The following RHBDL2 variants were observed in gnomAD, a reference collection of about 807,000 sequenced individuals.
RHBDL2 encodes rhomboid-related protein 2.
In RHBDL2, 26 loss-of-function variants were observed where a neutral mutation model predicts 31.7. That is an observed-to-expected ratio of 0.82 (90% CI 0.60 to 1.14). RHBDL2 has a LOEUF of 1.14. Among genes scored for constraint, RHBDL2 ranks in the 50% most tolerant of loss-of-function variants. The pLI is 0.00. For missense variants in RHBDL2, 336 were observed against 364.4 expected (o/e 0.92, Z 0.63); for synonymous variants, 123 against 127.2 (o/e 0.97, Z 0.22).
chr1:38,935,683 G>T (rs983890039), intron 1 of RHBDL2, among the ~76,000 whole-genome samples: 1 of 151,842 alleles, frequency 6.6e-6, no homozygotes, highest in Admixed American at 6.6e-5. Context: ...CATGATCTCA[G>T]CTCACTGCAA....
At chr1:38,925,789 C>A (rs1209001613) in intron 1 of RHBDL2, among the ~76,000 whole-genome samples, 1 of 152,166 alleles carries the variant, frequency 6.6e-6, no homozygotes, top group Non-Finnish European at 1.5e-5. Flanking sequence ...TTCTACTCTG[C>A]AAACAAGAAA....
chr1:38,896,056 G>T lies in RHBDL2; in HGVS notation c.522C>A (p.Ser174Arg). The T allele has an allele frequency of 1.2e-6, 2 of 1,613,002 alleles. No individual in the cohort carries two copies. The change falls in exon 5 of 8, where the codon AGC becomes AGA. Residue 174 changes from serine (S) to arginine (R), a missense_variant. Ser to Arg is a moderately radical substitution (Grantham distance 110). Coordinates refer to ENST00000372990, the MANE Select transcript of RHBDL2 (RefSeq NM_017821.5). The stretch of plus-strand genomic sequence containing the variant: ...GATATCTGAGTGGGTCAAAGATGGA[G>T]CTGGCAAGGGACCCTAAAGAAATAA... Reference protein sequence around the residue: ...LAGVIAGSLASSIFDPLRYLV... With the variant: ...LAGVIAGSLARSIFDPLRYLV...
intron 1 of RHBDL2, among the ~76,000 whole-genome samples, chr1:38,927,188 A>G (rs368868466): frequency 1.3e-5 from 2 of 151,986 alleles, no homozygotes; most frequent in East Asian, 1.9e-4. Context: ...AGCACTTTGG[A>G]AGGCCAAGGC....
At chr1:38,905,030 CA>C (rs536905332) in intron 4 of RHBDL2, among the ~76,000 whole-genome samples, 3 of 149,442 alleles carry the variant, frequency 2.0e-5, no homozygotes, top group Non-Finnish European at 3.0e-5. Flanking sequence ...GACTCCGTCT[CA>C]AAAAAAATAA....
intron 3 of RHBDL2, among the ~76,000 whole-genome samples, chr1:38,912,910 A>ATATATGTGTGTGTG (rs1399583863): frequency 4.8e-4 from 20 of 41,362 alleles, no homozygotes; most frequent in African/African-American, 1.5e-3. Flanking sequence ...ATATATATAT[A>ATATATGTGTGTGTG]TGTGTGTGTG....
chr1:38,900,512 T>C (rs1642975164), intron 4 of RHBDL2, among the ~76,000 whole-genome samples: 1 of 152,054 alleles, frequency 6.6e-6, no homozygotes, highest in Non-Finnish European at 1.5e-5. Context: ...TCCCAGTTAC[T>C]TGGGAGACTG....
At chr1:38,897,633 T>G (rs1219288093) in intron 4 of RHBDL2, among the ~76,000 whole-genome samples, 1 of 152,170 alleles carries the variant, frequency 6.6e-6, no homozygotes, top group East Asian at 1.9e-4. Context: ...TAGGATCACT[T>G]GAGCCCAGGA....
At chr1:38,908,939 C>T (rs1643104646) in intron 4 of RHBDL2, among the ~76,000 whole-genome samples, 1 of 152,156 alleles carries the variant, frequency 6.6e-6, no homozygotes, top group African/African-American at 2.4e-5. Context: ...GGAAGTAGCT[C>T]TCAGCAGATG....
intron 6 of RHBDL2, among the ~76,000 whole-genome samples, chr1:38,890,493 T>C (rs1642840799): frequency 6.6e-6 from 1 of 152,108 alleles, no homozygotes; most frequent in South Asian, 2.1e-4. Context: ...GTATGTCAAT[T>C]TCTCCAACCA....
chr1:38,912,910 A>ATATGTG (rs1399583863), intron 3 of RHBDL2, among the ~76,000 whole-genome samples: 5 of 41,392 alleles, frequency 1.2e-4, no homozygotes, highest in African/African-American at 3.7e-4. Flanking sequence ...ATATATATAT[A>ATATGTG]TGTGTGTGTG....
Position 38,935,767 on chromosome 1 carries a change from C to T in RHBDL2, c.-126+5915G>A, listed in dbSNP as rs538210488. ...AGCTGGGACTACAGGTGTGTACCACCACACCTGGCTAACTTTTGTATTTTT... is the reference window on the plus strand; with the variant it reads ...AGCTGGGACTACAGGTGTGTACCACTACACCTGGCTAACTTTTGTATTTTT... On this transcript the variant is annotated intron_variant, in intron 1 of 7. Coordinates refer to ENST00000372990, the MANE Select transcript of RHBDL2 (RefSeq NM_017821.5). Among the ~76,000 whole-genome samples the T allele has an allele frequency of 2.0e-5, 3 of 152,174 alleles. No individual in the cohort carries two copies. In the South Asian group the frequency reaches 6.2e-4, roughly 32 times the overall value.
At chr1:38,903,639 TG>T in intron 4 of RHBDL2, among the ~76,000 whole-genome samples, 1 of 152,330 alleles carries the variant, frequency 6.6e-6, no homozygotes. Context: ...ATTGTTAAAA[TG>T]TCCGTTTTCC....
chr1:38,925,540 C>G (rs540413965), intron 1 of RHBDL2, among the ~76,000 whole-genome samples: 1 of 152,052 alleles, frequency 6.6e-6, no homozygotes, highest in East Asian at 1.9e-4. Flanking sequence ...AGGTTAATCT[C>G]TCTCTTGATG....
intron 5 of RHBDL2, among the ~76,000 whole-genome samples, chr1:38,894,889 T>C (rs1642896881): frequency 6.6e-6 from 1 of 151,878 alleles, no homozygotes; most frequent in Non-Finnish European, 1.5e-5. Flanking sequence ...GTATTTTTAG[T>C]AGAGACGGGG....
chr1:38,936,957 T>G (rs553097836), intron 1 of RHBDL2, among the ~76,000 whole-genome samples: 104 of 147,122 alleles, frequency 7.1e-4, no homozygotes, highest in African/African-American at 2.6e-3. Context: ...TGTTCTTTTT[T>G]TTTTTTTTGA....
intron 4 of RHBDL2, among the ~76,000 whole-genome samples, chr1:38,904,956 A>G (rs1001652470): frequency 6.7e-6 from 1 of 149,476 alleles, no homozygotes; most frequent in Admixed American, 6.7e-5. Flanking sequence ...GCGTGAACCC[A>G]GGAGGCGGAG....
At chr1:38,938,673 C>T (rs1399037135) in intron 1 of RHBDL2, among the ~76,000 whole-genome samples, 1 of 152,174 alleles carries the variant, frequency 6.6e-6, no homozygotes, top group Non-Finnish European at 1.5e-5. Context: ...AACTAAAAGA[C>T]TCTGTCCTTT....
chr1:38,929,312 C>G (rs1557623443), intron 1 of RHBDL2: 1 of 999,710 alleles, frequency 1.0e-6, no homozygotes, highest in South Asian at 1.4e-5. Flanking sequence ...ACTGCTACGA[C>G]GAGGACTCTA....
At chr1:38,937,590 A>G (rs1643524353) in intron 1 of RHBDL2, among the ~76,000 whole-genome samples, 1 of 152,160 alleles carries the variant, frequency 6.6e-6, no homozygotes, top group African/African-American at 2.4e-5. Flanking sequence ...CCCCAGTTCC[A>G]GGACCACTGG....
Sources: gnomAD v4.1 joint callset for allele counts (sites outside exome capture counted in the v4.1 genomes callset) on GRCh38, gnomAD v4.1.1 for gene constraint, MANE v1.5 for transcripts, NCBI Gene and HGNC (gene_info 2026-07-23, HGNC 2026-07-21) for gene names.